FSTL5: variants seen among roughly 807,000 people sequenced by gnomAD.
FSTL5 encodes the protein follistatin like 5, also known as follistatin-related protein 5.
FSTL5 carries 62 observed loss-of-function variants against 89.1 expected under a neutral mutation model. The observed-to-expected ratio is 0.70, with a 90% CI of 0.57 to 0.86. The LOEUF (loss-of-function observed/expected upper bound fraction) is 0.86. Ranked by LOEUF, FSTL5 falls within the 40% of genes least tolerant of loss-of-function variation. FSTL5 has a pLI of 0.00. For synonymous variants in FSTL5, 383 were observed against 346.2 expected (o/e 1.11, Z -1.18); for missense variants, 1,057 against 1,001.6 (o/e 1.06, Z -0.75).
At chr4:161,477,822 A>G (rs1039673385) in intron 13 of FSTL5, among the ~76,000 whole-genome samples, 1 of 152,108 alleles carries the variant, frequency 6.6e-6, no homozygotes, top group Admixed American at 6.5e-5. Flanking sequence ...AATAATAAAC[A>G]AAATGATCAT....
chr4:161,673,044 T>C (rs1379302498), intron 6 of FSTL5, among the ~76,000 whole-genome samples: 3 of 152,110 alleles, frequency 2.0e-5, no homozygotes, highest in African/African-American at 4.8e-5. Flanking sequence ...ACTCAGGTTT[T>C]GGGCAATTTA....
chr4:161,946,110 A>G (rs1368249346), intron 3 of FSTL5, among the ~76,000 whole-genome samples: 1 of 152,132 alleles, frequency 6.6e-6, no homozygotes, highest in Non-Finnish European at 1.5e-5. Context: ...ATTTTTTCCT[A>G]TGCAATATAA....
At chr4:161,971,053 T>C (rs937075910) in intron 3 of FSTL5, among the ~76,000 whole-genome samples, 2 of 130,678 alleles carry the variant, frequency 1.5e-5, no homozygotes, top group African/African-American at 4.9e-5. Context: ...TAGGAAACAA[T>C]AATGATTTCC....
At chr4:161,858,956 G>A (rs1048178525) in intron 4 of FSTL5, among the ~76,000 whole-genome samples, 1 of 152,170 alleles carries the variant, frequency 6.6e-6, no homozygotes, top group Non-Finnish European at 1.5e-5. Flanking sequence ...GTCTTAATCA[G>A]TGGCTTTGCA....
chr4:161,947,564 T>A (rs558373608), intron 3 of FSTL5, among the ~76,000 whole-genome samples: 15 of 152,280 alleles, frequency 9.9e-5, no homozygotes, highest in African/African-American at 3.6e-4. Context: ...TATTTTCAGA[T>A]TCCTCATACT....
chr4:161,867,084 A>G (rs1301954407), intron 4 of FSTL5, among the ~76,000 whole-genome samples: 1 of 152,040 alleles, frequency 6.6e-6, no homozygotes, highest in Non-Finnish European at 1.5e-5. Context: ...AGAATGATAT[A>G]TTCAGAGCCT....
intron 10 of FSTL5, among the ~76,000 whole-genome samples, chr4:161,525,940 C>T (rs539103545): frequency 6.6e-6 from 1 of 152,228 alleles, no homozygotes; most frequent in South Asian, 2.1e-4. Context: ...TTACATAATT[C>T]ATACTGATAC....
At chr4:161,400,692 T>A (rs998728040) in intron 15 of FSTL5, among the ~76,000 whole-genome samples, 2 of 152,118 alleles carry the variant, frequency 1.3e-5, no homozygotes, top group Non-Finnish European at 2.9e-5. Context: ...TTGACAGTGT[T>A]ATAACCTATT....
At chr4:161,590,202 T>A (rs1733763324) in intron 7 of FSTL5, among the ~76,000 whole-genome samples, 1 of 152,144 alleles carries the variant, frequency 6.6e-6, no homozygotes, top group African/African-American at 2.4e-5. Context: ...CTGATAAGGA[T>A]CTTCTATTCA....
At chr4:161,514,341 G>T (rs1202199136) in intron 10 of FSTL5, among the ~76,000 whole-genome samples, 1 of 151,962 alleles carries the variant, frequency 6.6e-6, no homozygotes, top group African/African-American at 2.4e-5. Flanking sequence ...GGAACCACAG[G>T]CCAGTATCCT....
intron 3 of FSTL5, among the ~76,000 whole-genome samples, chr4:161,964,867 A>T (rs359506): frequency 0.26 from 39,434 of 151,832 alleles, 6,299 homozygotes; most frequent in African/African-American, 0.45. Flanking sequence ...TTCCTTATTT[A>T]CTTTTTCCTG....
At chr4:161,426,679 C>T (rs145385963) in intron 15 of FSTL5, among the ~76,000 whole-genome samples, 477 of 152,274 alleles carry the variant, frequency 3.1e-3, no homozygotes, top group African/African-American at 7.6e-3. Flanking sequence ...GCAACCTCTG[C>T]CTCTCGGGTT....
intron 3 of FSTL5, among the ~76,000 whole-genome samples, chr4:161,941,647 G>GA (rs1486972986): frequency 6.6e-6 from 1 of 151,882 alleles, no homozygotes; most frequent in Non-Finnish European, 1.5e-5. Flanking sequence ...TAAACTACAT[G>GA]AAGGGACCTT....
At chr4:161,975,692 A>T (rs2111028622) in intron 3 of FSTL5, among the ~76,000 whole-genome samples, 1 of 151,838 alleles carries the variant, frequency 6.6e-6, no homozygotes, top group South Asian at 2.1e-4. Context: ...AGCATGGCAC[A>T]TGTATACATA....
chr4:161,668,647 T>A (rs1170458047), intron 6 of FSTL5, among the ~76,000 whole-genome samples: 2 of 152,094 alleles, frequency 1.3e-5, no homozygotes, highest in Non-Finnish European at 2.9e-5. Flanking sequence ...TCCAACAACA[T>A]ATGAAAATGA....
intron 7 of FSTL5, among the ~76,000 whole-genome samples, chr4:161,630,607 T>C (rs376028483): frequency 6.6e-6 from 1 of 152,238 alleles, no homozygotes; most frequent in Non-Finnish European, 1.5e-5. Flanking sequence ...TGATTGGCTA[T>C]ATCACTAACT....
intron 14 of FSTL5, among the ~76,000 whole-genome samples, chr4:161,456,475 CA>C (rs1560903878): frequency 6.6e-6 from 1 of 152,106 alleles, no homozygotes; most frequent in Non-Finnish European, 1.5e-5. Context: ...AAAATTAAAA[CA>C]CAAAGAAAAA....
intron 15 of FSTL5, among the ~76,000 whole-genome samples, chr4:161,427,281 C>G (rs1732200393): frequency 6.6e-6 from 1 of 152,222 alleles, no homozygotes; most frequent in Non-Finnish European, 1.5e-5. Context: ...ATGAGCTCAA[C>G]AGATCTTCTC....
intron 4 of FSTL5, among the ~76,000 whole-genome samples, chr4:161,828,395 C>T (rs566056015): frequency 6.6e-6 from 1 of 152,266 alleles, no homozygotes; most frequent in East Asian, 1.9e-4. Context: ...TCTGCAGTTC[C>T]TGGAGTAAAA....
Sources: allele counts gnomAD v4.1 joint callset (sites outside exome capture counted in the v4.1 genomes callset), GRCh38; gene constraint gnomAD v4.1.1; transcripts MANE v1.5; gene names NCBI Gene and HGNC (gene_info 2026-07-23, HGNC 2026-07-21).